Variants in GPALPP1 observed in about 807,000 individuals in gnomAD.
GPALPP1 encodes the protein GPALPP motifs containing 1, also known as GPALPP motifs-containing protein 1.
Under a neutral mutation model 38.9 loss-of-function variants are expected in GPALPP1, and 30 were observed. The ratio of observed to expected loss-of-function variants is 0.77; its 90% CI spans 0.58 to 1.05. The LOEUF (loss-of-function observed/expected upper bound fraction) is 1.05, where lower values mean the gene tolerates loss of function less well. Ranked by LOEUF, GPALPP1 falls within the 50% of genes least tolerant of loss-of-function variation. The pLI, the probability that GPALPP1 is intolerant of heterozygous loss-of-function variation, is 0.00. For missense variants in GPALPP1, 384 were observed against 408.8 expected, an observed-to-expected ratio of 0.94 and a Z score of 0.52; for synonymous variants, 120 against 139.2, an observed-to-expected ratio of 0.86 and a Z score of 0.97.
chr13:44,997,128 A>G (rs551098910), intron 1 of GPALPP1, among the ~76,000 whole-genome samples: 74 of 149,622 alleles, frequency 4.9e-4, no homozygotes, highest in African/African-American at 1.7e-3. Context: ...TTCACTTAGC[A>G]TAATGTCCTT....
chr13:44,991,465 A>G (rs1490130002), intron 1 of GPALPP1, among the ~76,000 whole-genome samples: 2 of 152,052 alleles, frequency 1.3e-5, no homozygotes, highest in African/African-American at 2.4e-5. Context: ...AAAGAAAAAG[A>G]TTCTTCGTAT....
At position 45,019,141 on chromosome 13, in the gene GPALPP1, A is replaced by ATATG. The variant is rs1338303317; in HGVS notation, c.706-1186_706-1185insGTAT. Reference sequence around the variant, plus strand: ...TATATATATTTCTATGTATATATTTATATATATGTATATATATATTTTTTG... The same window carrying ATATG: ...TATATATATTTCTATGTATATATTTATATGTATATATGTATATATATATTTTTTG... On this transcript the variant is annotated intron_variant, in intron 6 of 7. Transcript: ENST00000379151. Among the ~76,000 whole-genome samples, 6 of 139,160 alleles carry ATATG rather than the reference A, an allele frequency of 4.3e-5. No individual in the cohort carries two copies. The East Asian group carries it at 1.3e-3, about 30-fold the overall frequency. The allele number at this position is 139,160 out of a possible 152,430, so 91.3% of individuals were successfully genotyped here.
intron 2 of GPALPP1, among the ~76,000 whole-genome samples, 169 bp from the exon 3 acceptor site, chr13:45,006,033 A>T (rs201532279): frequency 2.1e-4 from 1 of 4,712 alleles, no homozygotes; most frequent in Non-Finnish European, 3.6e-3. Flanking sequence ...CTCAAAAAAT[A>T]AAAAAAAAAA....
chr13:45,025,628 A>G (rs1381454974), intron 7 of GPALPP1, among the ~76,000 whole-genome samples: 1 of 152,090 alleles, frequency 6.6e-6, no homozygotes, highest in African/African-American at 2.4e-5. Context: ...TATGACTACT[A>G]CCATTTTACA....
intron 7 of GPALPP1, 67 bp downstream of exon 7, chr13:45,020,495 G>C (rs769272212): frequency 2.2e-5 from 16 of 732,248 alleles, no homozygotes; most frequent in Non-Finnish European, 3.7e-5. Context: ...CAGCTACTTG[G>C]GAGGCTGAGG....
intron 6 of GPALPP1, among the ~76,000 whole-genome samples, chr13:45,019,737 A>G (rs2138003673): frequency 6.7e-6 from 1 of 149,584 alleles, no homozygotes; most frequent in African/African-American, 2.5e-5. Context: ...TTTCACTTCT[A>G]CATCTCACCA....
At chr13:45,010,670 A>T (rs1874405092) in intron 4 of GPALPP1, among the ~76,000 whole-genome samples, 1 of 152,280 alleles carries the variant, frequency 6.6e-6, no homozygotes, top group South Asian at 2.1e-4. Context: ...ATGATGGGGG[A>T]ATGTAATCTG....
chr13:45,008,547 A>G (rs1238958613), intron 3 of GPALPP1, among the ~76,000 whole-genome samples: 1 of 152,190 alleles, frequency 6.6e-6, no homozygotes, highest in African/African-American at 2.4e-5. Context: ...CAGTGTCACA[A>G]AGATTGAGAA....
At chr13:45,030,348 A>G (rs1362805517), downstream of GPALPP1, 1 of 152,128 alleles carries the variant, frequency 6.6e-6, no homozygotes, top group Non-Finnish European at 1.5e-5. Context: ...CTAGTATTCT[A>G]GTTTTGATGA....
chr13:44,990,900 G>A (rs920316271), intron 1 of GPALPP1, among the ~76,000 whole-genome samples: 4 of 152,054 alleles, frequency 2.6e-5, no homozygotes, highest in Non-Finnish European at 5.9e-5. Flanking sequence ...GACCAGCCTG[G>A]CCAACATGTT....
downstream of GPALPP1, chr13:45,034,714 T>A (rs1376519673): frequency 6.6e-6 from 1 of 151,398 alleles, no homozygotes; most frequent in African/African-American, 2.4e-5. Context: ...GAATACTTTT[T>A]TATTTTTATT....
intron 4 of GPALPP1, among the ~76,000 whole-genome samples, chr13:45,009,508 C>CA (rs1874329869): frequency 6.6e-6 from 1 of 151,810 alleles, no homozygotes; most frequent in Non-Finnish European, 1.5e-5. Context: ...TGCTAAAGAC[C>CA]AAAAAAATTG....
intron 7 of GPALPP1, among the ~76,000 whole-genome samples, chr13:45,024,155 G>C (rs1188173539): frequency 3.6e-4 from 2 of 5,508 alleles, no homozygotes; most frequent in African/African-American, 7.2e-4. Flanking sequence ...CTCTGTGTGT[G>C]TGTGTGTGTG....
chr13:45,020,100 C>T (rs1373176765), intron 6 of GPALPP1, among the ~76,000 whole-genome samples: 3 of 151,738 alleles, frequency 2.0e-5, no homozygotes, highest in Non-Finnish European at 4.4e-5. Flanking sequence ...AGGCTGGTCT[C>T]GAACTCGTCA....
intron 3 of GPALPP1, among the ~76,000 whole-genome samples, chr13:45,008,170 T>C (rs1423966707): frequency 6.6e-6 from 1 of 152,228 alleles, no homozygotes. Context: ...GCTTGAAATA[T>C]GGTTAGCACG....
At chr13:44,990,061 A>G (rs1402791555) in intron 1 of GPALPP1, 1 of 509,110 alleles carries the variant, frequency 2.0e-6, no homozygotes, top group Non-Finnish European at 3.4e-6. Flanking sequence ...CTATTTTCCC[A>G]TGTTGCAAAT....
intron 1 of GPALPP1, among the ~76,000 whole-genome samples, chr13:44,996,450 T>C (rs972071191): frequency 1.7e-4 from 25 of 151,112 alleles, no homozygotes; most frequent in Non-Finnish European, 5.9e-5. Flanking sequence ...ATCCTTTGTA[T>C]GGAGTCTGGA....
rs750572846 is a variant in GPALPP1, at chr13:45,015,496, T to C, written c.605T>C (p.Phe202Ser). The change falls in exon 6 of 8, where the codon TTT (phenylalanine) becomes TCT (serine). Residue 202 changes from phenylalanine to serine, a missense_variant. Phe to Ser is a radical substitution (Grantham distance 155, BLOSUM62 -2). Transcript: ENST00000379151. ...MTELPPEMKD[F>S]GLGPRTFKRR... ...GAACTTCCTCCAGAAATGAAAGACT[T>C]TGGTCTTGGGCCAAGGACTTTTAAG... The C allele has an allele frequency of 1.2e-5, 20 of 1,609,774 alleles. No individual in the cohort carries two copies. The Admixed American group carries it at 1.8e-4, about 15-fold the overall frequency.
intron 1 of GPALPP1, among the ~76,000 whole-genome samples, chr13:44,991,941 G>A (rs1046098961): frequency 5.3e-5 from 8 of 152,168 alleles, no homozygotes; most frequent in Non-Finnish European, 1.2e-4. Flanking sequence ...AATTATTATA[G>A]GTTGTTTCTT....
Sources: gnomAD v4.1 joint callset for allele counts (sites outside exome capture counted in the v4.1 genomes callset) on GRCh38, gnomAD v4.1.1 for gene constraint, MANE v1.5 for transcripts, NCBI Gene and HGNC (gene_info 2026-07-23, HGNC 2026-07-21) for gene names.